Variants in ADARB2 observed in about 807,000 individuals in gnomAD.
ADARB2 encodes adenosine deaminase RNA specific B2 (inactive).
A neutral mutation model predicts 62.2 loss-of-function variants in ADARB2; 25 were observed. The observed-to-expected ratio is 0.40, with a 90% CI of 0.29 to 0.56. The LOEUF (loss-of-function observed/expected upper bound fraction) is 0.56. Among genes scored for constraint, ADARB2 ranks in the 20% least tolerant of loss-of-function variants. The pLI, the probability that ADARB2 is intolerant of heterozygous loss-of-function variation, is 0.43. For missense variants in ADARB2, 1,071 were observed against 1,077.4 expected, an observed-to-expected ratio of 0.99 and a Z score of 0.08; for synonymous variants, 572 against 500.8, an observed-to-expected ratio of 1.14 and a Z score of -1.90.
chr10:1,414,030 G>A (rs573964915), intron 1 of ADARB2, among the ~76,000 whole-genome samples: 2 of 152,120 alleles, frequency 1.3e-5, no homozygotes, highest in African/African-American at 2.4e-5. Context: ...TTCTTCAGAC[G>A]CTGTTCAGGT....
At chr10:1,340,274 C>T (rs370815882) in intron 3 of ADARB2, among the ~76,000 whole-genome samples, 1 of 108,228 alleles carries the variant, frequency 9.2e-6, no homozygotes, top group Non-Finnish European at 2.1e-5. Flanking sequence ...CGGCAATAAC[C>T]GGCATCCACC....
chr10:1,426,673 G>A lies in ADARB2; in HGVS notation c.101-47513C>T, dbSNP rs993205656. Among the ~76,000 whole-genome samples the A allele has an allele frequency of 1.5e-4, 23 of 152,134 alleles. No individual in the cohort carries two copies. Among genetic ancestry groups the A allele is most frequent in the African/African-American group, 4.6e-4 (19 of 41,432 alleles). Reference sequence around the variant, plus strand: ...GGATGGAGCTGAGCTTCTGAGACTCGGAGACCAGTGAACCTGCTTGCCACC... The same window carrying A: ...GGATGGAGCTGAGCTTCTGAGACTCAGAGACCAGTGAACCTGCTTGCCACC... On this transcript the variant is annotated intron_variant, in intron 1 of 9. Coordinates refer to ENST00000381312, the MANE Select transcript of ADARB2 (RefSeq NM_018702.4). This position sits in a 1 kb window ranked among gnomAD's most constrained non-coding sequence, Gnocchi z 4.1.
At chr10:1,504,073 C>A (rs1831802816) in intron 1 of ADARB2, among the ~76,000 whole-genome samples, 1 of 152,188 alleles carries the variant, frequency 6.6e-6, no homozygotes, top group Admixed American at 6.5e-5. Context: ...CTTCACTCTG[C>A]CAGTATTTCA....
chr10:1,305,632 A>T (rs1357740855), intron 3 of ADARB2, among the ~76,000 whole-genome samples: 3 of 151,972 alleles, frequency 2.0e-5, no homozygotes, highest in Admixed American at 6.5e-5. Flanking sequence ...TCCTTGATGA[A>T]CATTGATGCA....
intron 1 of ADARB2, among the ~76,000 whole-genome samples, chr10:1,524,005 T>C (rs1303554104): frequency 1.2e-4 from 18 of 152,098 alleles, no homozygotes; most frequent in Admixed American, 1.1e-3. Flanking sequence ...TAATTAAGCA[T>C]TTCATTAATT....
chr10:1,531,862 C>T (rs11250593), intron 1 of ADARB2, among the ~76,000 whole-genome samples: 49,061 of 151,892 alleles, frequency 0.32, 9,101 homozygotes, highest in East Asian at 0.74. Context: ...AAAAATAGTG[C>T]CCTAGAATTC....
intron 1 of ADARB2, among the ~76,000 whole-genome samples, chr10:1,676,368 T>C (rs571284594): frequency 6.6e-6 from 1 of 152,268 alleles, no homozygotes; most frequent in South Asian, 2.1e-4. Context: ...TGTGAACCAT[T>C]GACTTGTATA....
At chr10:1,678,351 G>T in intron 1 of ADARB2, 1 of 984,280 alleles carries the variant, frequency 1.0e-6, no homozygotes, top group South Asian at 4.7e-5. Context: ...GAGGGACCTC[G>T]GAGTGAGTGA....
intron 4 of ADARB2, among the ~76,000 whole-genome samples, chr10:1,249,450 A>G (rs1284857361): frequency 6.6e-6 from 1 of 152,116 alleles, no homozygotes; most frequent in African/African-American, 2.4e-5. Context: ...TCAAAAAAAA[A>G]AAAAAAAAAT....
At chr10:1,433,183 TGAGA>T (rs1244572713) in intron 1 of ADARB2, among the ~76,000 whole-genome samples, 1 of 152,096 alleles carries the variant, frequency 6.6e-6, no homozygotes, top group Non-Finnish European at 1.5e-5. Flanking sequence ...AGGCGAAGCT[TGAGA>T]AAGAACACGG....
intron 1 of ADARB2, among the ~76,000 whole-genome samples, chr10:1,460,038 AC>A (rs1831150655): frequency 1.4e-5 from 1 of 71,784 alleles, no homozygotes; most frequent in Non-Finnish European, 3.4e-5. Flanking sequence ...ACCTGAGTTT[AC>A]CTGTGTAGCA....
rs762459167 is a variant in ADARB2, at chr10:1,678,204, G to A, written c.100+58847C>T. The A allele has an allele frequency of 6.1e-6, 6 of 985,260 alleles. No homozygotes were observed. The African/African-American group carries it at 7.0e-5, about 11-fold the overall frequency. The allele number at this position is 985,260 out of a possible 1,614,324, so 61.0% of individuals were successfully genotyped here. ...CAGGGCAATGCCACAGGACCTCAGGGTGAGTGGCCTCAGGGTGAGCGACCT... is the reference window on the plus strand; with the variant it reads ...CAGGGCAATGCCACAGGACCTCAGGATGAGTGGCCTCAGGGTGAGCGACCT... On this transcript the variant is annotated intron_variant, in intron 1 of 9. Coordinates refer to ENST00000381312, the MANE Select transcript of ADARB2 (RefSeq NM_018702.4).
chr10:1,550,316 G>T (rs1832598081), intron 1 of ADARB2, among the ~76,000 whole-genome samples: 1 of 152,188 alleles, frequency 6.6e-6, no homozygotes, highest in African/African-American at 2.4e-5. Flanking sequence ...TAACCTCAAA[G>T]TACCACGGAA....
At chr10:1,576,972 C>T (rs1038497957) in intron 1 of ADARB2, among the ~76,000 whole-genome samples, 5 of 152,140 alleles carry the variant, frequency 3.3e-5, no homozygotes. Flanking sequence ...GCCTCAGGCT[C>T]TGGGTAGGTT....
At chr10:1,534,809 TGAAAG>T (rs989049888) in intron 1 of ADARB2, 6 of 166,912 alleles carry the variant, frequency 3.6e-5, no homozygotes, top group African/African-American at 1.4e-4. Context: ...CCCTTTCAAA[TGAAAG>T]GAAAAGAGTG....
chr10:1,489,072 C>T (rs986015382), intron 1 of ADARB2, among the ~76,000 whole-genome samples: 3 of 152,270 alleles, frequency 2.0e-5, no homozygotes, highest in African/African-American at 7.2e-5. Context: ...GTGAGGCTTG[C>T]TTCTGCCAGA....
intron 4 of ADARB2, among the ~76,000 whole-genome samples, chr10:1,257,812 C>G (rs144122751): frequency 2.0e-5 from 3 of 152,300 alleles, no homozygotes; most frequent in African/African-American, 7.2e-5. Context: ...GAAGTCCTTT[C>G]AATATCACCT....
chr10:1,281,591 G>A (rs1373603087), intron 3 of ADARB2, among the ~76,000 whole-genome samples: 2 of 152,224 alleles, frequency 1.3e-5, no homozygotes, highest in African/African-American at 2.4e-5. Context: ...TTCTCAGCAC[G>A]GTGCCAGCAG....
chr10:1,286,091 C>T (rs989744939), intron 3 of ADARB2, among the ~76,000 whole-genome samples: 4 of 78,564 alleles, frequency 5.1e-5, no homozygotes, highest in South Asian at 4.6e-4. Context: ...GCAGTGGGGG[C>T]GGGTGGTGCC....
Sources: gnomAD v4.1 joint callset for allele counts (sites outside exome capture counted in the v4.1 genomes callset) on GRCh38, gnomAD v4.1.1 for gene constraint, Gnocchi (gnomAD v3.1) non-coding constraint, MANE v1.5 for transcripts, NCBI Gene and HGNC (gene_info 2026-07-23, HGNC 2026-07-21) for gene names.